The following FMN1 variants were observed in gnomAD, a reference collection of about 807,000 sequenced individuals.
FMN1 encodes the protein formin-1.
FMN1 carries 110 observed loss-of-function variants against 132.4 expected under a neutral mutation model. The ratio of observed to expected loss-of-function variants is 0.83; its 90% CI spans 0.71 to 0.97. The LOEUF (loss-of-function observed/expected upper bound fraction) is 0.97, where lower values mean the gene tolerates loss of function less well. FMN1 is among the 50% of genes least tolerant of loss of function. FMN1 has a pLI of 0.00. For synonymous variants in FMN1, 722 were observed against 651.7 expected (o/e 1.11, Z -1.64); for missense variants, 1,792 against 1,705.3 (o/e 1.05, Z -0.90).
chr15:33,044,849 C>G (rs796345196), intron 6 of FMN1, among the ~76,000 whole-genome samples: 30 of 152,354 alleles, frequency 2.0e-4, no homozygotes, highest in African/African-American at 6.7e-4. Context: ...TAAAGCTCCT[C>G]TACACCTTGC....
At chr15:32,977,349 T>C (rs1294113938) in intron 7 of FMN1, among the ~76,000 whole-genome samples, 1 of 152,162 alleles carries the variant, frequency 6.6e-6, no homozygotes, top group Admixed American at 6.5e-5. Context: ...AGTATGCCAA[T>C]ACACAAAAAA....
chr15:33,110,317 T>G (rs918371207), intron 4 of FMN1, among the ~76,000 whole-genome samples: 9 of 151,978 alleles, frequency 5.9e-5, no homozygotes, highest in Non-Finnish European at 1.2e-4. Context: ...TTATGAAAAG[T>G]TAAAAAACAC....
intron 17 of FMN1, among the ~76,000 whole-genome samples, chr15:32,848,843 C>A (rs1397478853): frequency 6.6e-6 from 1 of 152,124 alleles, no homozygotes; most frequent in Admixed American, 6.6e-5. Context: ...CAGCAATGAA[C>A]CTGTTTGATT....
At chr15:33,024,213 C>T (rs965231412) in intron 6 of FMN1, among the ~76,000 whole-genome samples, 2 of 140,178 alleles carry the variant, frequency 1.4e-5, no homozygotes, top group African/African-American at 5.3e-5. Flanking sequence ...TACTATTTCA[C>T]ACCTATCAGA....
chr15:32,846,959 C>T (rs1299230131), intron 17 of FMN1, among the ~76,000 whole-genome samples: 1 of 152,130 alleles, frequency 6.6e-6, no homozygotes, highest in Non-Finnish European at 1.5e-5. Flanking sequence ...TCACAAGGGG[C>T]TATACATAGA....
chr15:33,046,850 G>C (rs1393550238), intron 6 of FMN1, among the ~76,000 whole-genome samples: 2 of 146,764 alleles, frequency 1.4e-5, no homozygotes, highest in East Asian at 2.0e-4. Flanking sequence ...GGCTAGTCAA[G>C]CTGTAGCCAA....
At chr15:32,871,936 A>C (rs947190922) in intron 16 of FMN1, among the ~76,000 whole-genome samples, 2 of 152,154 alleles carry the variant, frequency 1.3e-5, no homozygotes, top group Non-Finnish European at 2.9e-5. Flanking sequence ...GAAGTAATTT[A>C]CTCAAACACA....
intron 19 of FMN1, among the ~76,000 whole-genome samples, chr15:32,798,216 A>ACACACCCCCCC (rs1286307994): frequency 3.5e-5 from 5 of 140,876 alleles, no homozygotes; most frequent in African/African-American, 1.3e-4. Flanking sequence ...ACACACACAC[A>ACACACCCCCCC]CCCCGTCTAT....
chr15:33,036,722 T>C (rs2036209803), intron 6 of FMN1, among the ~76,000 whole-genome samples: 1 of 152,234 alleles, frequency 6.6e-6, no homozygotes, highest in Non-Finnish European at 1.5e-5. Flanking sequence ...AGTATTAAAA[T>C]TTAATTATTT....
chr15:32,883,118 C>T (rs2059810014), intron 16 of FMN1, among the ~76,000 whole-genome samples: 1 of 152,142 alleles, frequency 6.6e-6, no homozygotes, highest in Admixed American at 6.5e-5. Flanking sequence ...TTCCTCCCTC[C>T]TACTCATAGT....
At chr15:33,165,511 C>A (rs1965067202) in intron 3 of FMN1, among the ~76,000 whole-genome samples, 1 of 152,216 alleles carries the variant, frequency 6.6e-6, no homozygotes, top group South Asian at 2.1e-4. Context: ...TTGCCTCAGC[C>A]TCCCGAGTAG....
chr15:33,082,934 A>G (rs2038542897), intron 5 of FMN1, among the ~76,000 whole-genome samples: 1 of 152,186 alleles, frequency 6.6e-6, no homozygotes, highest in South Asian at 2.1e-4. Context: ...ATATTTGGAA[A>G]CTTCATGGCC....
chr15:32,812,010 G>A (rs578204143), intron 17 of FMN1, among the ~76,000 whole-genome samples: 37 of 122,914 alleles, frequency 3.0e-4, no homozygotes, highest in Middle Eastern at 3.9e-3. Context: ...GTATTTTATG[G>A]ACACTAAACA....
intron 16 of FMN1, among the ~76,000 whole-genome samples, chr15:32,874,315 C>T (rs1051254919): frequency 6.6e-6 from 1 of 152,004 alleles, no homozygotes; most frequent in Non-Finnish European, 1.5e-5. Flanking sequence ...GCCACCAAGC[C>T]CGGCCTATAT....
intron 10 of FMN1, among the ~76,000 whole-genome samples, chr15:32,915,232 G>C (rs1268770722): frequency 6.6e-6 from 1 of 152,128 alleles, no homozygotes; most frequent in African/African-American, 2.4e-5. Flanking sequence ...CCATGTCTTA[G>C]TCACCAAATA....
At chr15:33,097,912 A>G (rs975577506) in intron 4 of FMN1, among the ~76,000 whole-genome samples, 5 of 152,218 alleles carry the variant, frequency 3.3e-5, no homozygotes, top group African/African-American at 1.2e-4. Context: ...TTTACCTCAC[A>G]TTTATAACAC....
chr15:33,103,124 T>C (rs1209799029), intron 4 of FMN1, among the ~76,000 whole-genome samples: 1 of 152,134 alleles, frequency 6.6e-6, no homozygotes, highest in Admixed American at 6.6e-5. Context: ...AATTGTTGAA[T>C]ATACATTACA....
intron 3 of FMN1, among the ~76,000 whole-genome samples, chr15:33,168,758 C>CT (rs1965205655): frequency 6.6e-6 from 1 of 152,218 alleles, no homozygotes; most frequent in Non-Finnish European, 1.5e-5. Context: ...TGGCACAAGG[C>CT]TGCAGGTTCT....
chr15:32,912,852 C>T (rs945516393), intron 10 of FMN1, among the ~76,000 whole-genome samples: 3 of 152,036 alleles, frequency 2.0e-5, no homozygotes, highest in Non-Finnish European at 4.4e-5. Context: ...GCTCTAATAC[C>T]ACTTAGTGAA....
Sources: gnomAD v4.1 joint callset for allele counts (sites outside exome capture counted in the v4.1 genomes callset) on GRCh38, gnomAD v4.1.1 for gene constraint, MANE v1.5 for transcripts, NCBI Gene and HGNC (gene_info 2026-07-23, HGNC 2026-07-21) for gene names.